CPQ: variants seen among roughly 807,000 people sequenced by gnomAD.
CPQ encodes the protein Ser-Met dipeptidase.
In CPQ, 37 loss-of-function variants were observed where a neutral mutation model predicts 45.7. The observed-to-expected ratio is 0.81, with a 90% CI of 0.62 to 1.07. The LOEUF (loss-of-function observed/expected upper bound fraction) is 1.07. Ranked by LOEUF, CPQ falls within the 50% of genes least tolerant of loss-of-function variation. The probability of loss-of-function intolerance (pLI) is 0.00; values close to 1 mark genes in which losing one functional copy is unlikely to be tolerated. For missense variants in CPQ, 537 were observed against 572.9 expected (o/e 0.94, Z 0.64); for synonymous variants, 186 against 205.8 (o/e 0.90, Z 0.82).
chr8:97,050,596 G>A (rs1158502453), intron 6 of CPQ, among the ~76,000 whole-genome samples: 2 of 152,168 alleles, frequency 1.3e-5, no homozygotes, highest in Non-Finnish European at 2.9e-5. Flanking sequence ...CAGACGTGGT[G>A]GTGCACATCT....
chr8:96,941,866 T>G (rs530153347), intron 4 of CPQ, among the ~76,000 whole-genome samples: 2 of 152,298 alleles, frequency 1.3e-5, no homozygotes, highest in East Asian at 3.9e-4. Flanking sequence ...GTCATAACCA[T>G]GAATTAAATG....
At chr8:97,018,240 G>A (rs570638669) in intron 5 of CPQ, among the ~76,000 whole-genome samples, 20 of 152,292 alleles carry the variant, frequency 1.3e-4, no homozygotes, top group South Asian at 4.1e-4. Flanking sequence ...GAACACCAGC[G>A]TTGAGCCTTA....
intron 4 of CPQ, among the ~76,000 whole-genome samples, chr8:96,898,394 C>T (rs530216888): frequency 6.6e-6 from 1 of 152,056 alleles, no homozygotes; most frequent in Non-Finnish European, 1.5e-5. Flanking sequence ...ATTCTTTTCT[C>T]CCCCTAAAGA....
At chr8:96,992,817 G>A (rs528607577) in intron 5 of CPQ, among the ~76,000 whole-genome samples, 1 of 152,276 alleles carries the variant, frequency 6.6e-6, no homozygotes, top group South Asian at 2.1e-4. Flanking sequence ...CTGTAATGGT[G>A]CACCTGAAGT....
chr8:96,923,361 C>T (rs1457132396), intron 4 of CPQ, among the ~76,000 whole-genome samples: 5 of 152,106 alleles, frequency 3.3e-5, no homozygotes, highest in African/African-American at 4.8e-5. Flanking sequence ...GCCTCCTTTC[C>T]GTTCCTACAC....
At chr8:96,980,164 G>A (rs1338836099) in intron 5 of CPQ, among the ~76,000 whole-genome samples, 7 of 152,004 alleles carry the variant, frequency 4.6e-5, no homozygotes, top group Non-Finnish European at 8.8e-5. Context: ...ACAGAGTCTC[G>A]CTCTGTTGCC....
intron 3 of CPQ, among the ~76,000 whole-genome samples, chr8:96,872,385 G>A (rs1322290721): frequency 1.3e-5 from 2 of 151,886 alleles, no homozygotes; most frequent in African/African-American, 4.8e-5. Context: ...TTGGGATTTT[G>A]GATTTTTGGA....
chr8:96,717,785 G>A (rs1809702762), intron 1 of CPQ, among the ~76,000 whole-genome samples: 1 of 152,130 alleles, frequency 6.6e-6, no homozygotes, highest in African/African-American at 2.4e-5. Context: ...CCACGTGTGG[G>A]CACAAGCAGT....
At chr8:96,697,496 A>G (rs1324797269) in intron 1 of CPQ, among the ~76,000 whole-genome samples, 1 of 152,072 alleles carries the variant, frequency 6.6e-6, no homozygotes, top group African/African-American at 2.4e-5. Flanking sequence ...CTGTTATTCA[A>G]CAGTCCTAGC....
chr8:96,908,790 G>C (rs566849810), intron 4 of CPQ, among the ~76,000 whole-genome samples: 45 of 122,496 alleles, frequency 3.7e-4, no homozygotes, highest in African/African-American at 1.4e-3. Context: ...ATATATTCTG[G>C]GGAAGAGGTG....
At chr8:96,953,102 G>A (rs758033475) in intron 4 of CPQ, among the ~76,000 whole-genome samples, 2 of 152,096 alleles carry the variant, frequency 1.3e-5, no homozygotes, top group East Asian at 1.9e-4. Context: ...TCCAGTTGAA[G>A]AGCAGCATGA....
intron 1 of CPQ, among the ~76,000 whole-genome samples, chr8:96,718,238 C>T (rs865777631): frequency 2.7e-4 from 41 of 152,258 alleles, no homozygotes; most frequent in South Asian, 8.3e-4. Context: ...CTGTTGTGTC[C>T]GGAATTGGTG....
At chr8:97,024,012 G>T (rs1221063189) in intron 5 of CPQ, among the ~76,000 whole-genome samples, 1 of 152,180 alleles carries the variant, frequency 6.6e-6, no homozygotes, top group African/African-American at 2.4e-5. Flanking sequence ...CTCAGCCATT[G>T]TTCCCTAAAT....
intron 4 of CPQ, among the ~76,000 whole-genome samples, chr8:96,905,084 G>C (rs1200566579): frequency 6.6e-6 from 1 of 152,054 alleles, no homozygotes; most frequent in East Asian, 1.9e-4. Context: ...GTTCTGCATG[G>C]CTAGGGAGGC....
intron 4 of CPQ, among the ~76,000 whole-genome samples, chr8:96,930,575 A>C (rs1432766840): frequency 1.3e-5 from 2 of 152,170 alleles, no homozygotes; most frequent in African/African-American, 2.4e-5. Context: ...TTTTACTGGA[A>C]GTATAATGCA....
intron 2 of CPQ, among the ~76,000 whole-genome samples, chr8:96,808,531 A>G (rs2130827469): frequency 6.6e-6 from 1 of 152,322 alleles, no homozygotes; most frequent in East Asian, 1.9e-4. Flanking sequence ...TATTTTTGCT[A>G]AAATTCTCTA....
At chr8:96,967,169 G>A (rs1014136079) in intron 5 of CPQ, among the ~76,000 whole-genome samples, 3 of 152,104 alleles carry the variant, frequency 2.0e-5, no homozygotes, top group African/African-American at 7.2e-5. Context: ...GTGGGTTCTA[G>A]AGGAAAGCAG....
At chr8:96,735,986 A>G (rs1809977333) in intron 1 of CPQ, among the ~76,000 whole-genome samples, 1 of 152,054 alleles carries the variant, frequency 6.6e-6, no homozygotes, top group South Asian at 2.1e-4. Context: ...TCACACCGAG[A>G]TACTGAGCTG....
At chr8:96,862,224 C>T (rs995231439) in intron 3 of CPQ, among the ~76,000 whole-genome samples, 1 of 151,146 alleles carries the variant, frequency 6.6e-6, no homozygotes, top group African/African-American at 2.4e-5. Flanking sequence ...GGTTGCTTAA[C>T]CTTTCTAAAT....
Sources: allele counts gnomAD v4.1 joint callset (sites outside exome capture counted in the v4.1 genomes callset), GRCh38; gene constraint gnomAD v4.1.1; transcripts MANE v1.5; gene names NCBI Gene and HGNC (gene_info 2026-07-23, HGNC 2026-07-21).